The following TSPAN18 variants were observed in gnomAD, a reference collection of about 807,000 sequenced individuals.
TSPAN18 encodes the protein tetraspanin-18.
TSPAN18 carries 14 observed loss-of-function variants against 27.3 expected under a neutral mutation model. The observed-to-expected ratio is 0.51, with a 90% CI of 0.34 to 0.80. The LOEUF (loss-of-function observed/expected upper bound fraction) is 0.80. TSPAN18 is among the 30% of genes least tolerant of loss of function. The probability of loss-of-function intolerance (pLI) is 0.01; values close to 1 mark genes in which losing one functional copy is unlikely to be tolerated. For missense variants in TSPAN18, 268 were observed against 323.9 expected (o/e 0.83, Z 1.32); for synonymous variants, 143 against 136.5 (o/e 1.05, Z -0.33).
Position 44,819,943 on chromosome 11 carries a change from A to G in TSPAN18, c.-152-40385A>G, listed in dbSNP as rs144617234. Among the ~76,000 whole-genome samples, 571 of 152,238 alleles carry G rather than the reference A, an allele frequency of 3.8e-3. 6 individuals are homozygous for G. The highest frequency in any genetic ancestry group is 0.012 in the African/African-American group (517 of 41,558). ...AGGGGAAAGGGAGTTGATTTGCTCAAAAGTTTTGGTTTCTGAAAGCTCCCT... is the reference window on the plus strand; with the variant it reads ...AGGGGAAAGGGAGTTGATTTGCTCAGAAGTTTTGGTTTCTGAAAGCTCCCT... On this transcript the variant is annotated intron_variant, in intron 2 of 9. Coordinates refer to ENST00000520358, the MANE Select transcript of TSPAN18 (RefSeq NM_130783.5).
intron 1 of TSPAN18, among the ~76,000 whole-genome samples, chr11:44,746,388 T>C (rs1056186031): frequency 6.6e-6 from 1 of 152,192 alleles, no homozygotes; most frequent in Admixed American, 6.5e-5. Flanking sequence ...CTTGGTGATT[T>C]GGGGTGAGTT....
chr11:44,751,569 A>C (rs1239946982), intron 1 of TSPAN18, among the ~76,000 whole-genome samples: 1 of 152,118 alleles, frequency 6.6e-6, no homozygotes, highest in Non-Finnish European at 1.5e-5. Flanking sequence ...CTTAGAAGGG[A>C]GTGCGATTGT....
intron 1 of TSPAN18, among the ~76,000 whole-genome samples, chr11:44,727,521 G>A (rs1204161928): frequency 3.9e-5 from 6 of 152,320 alleles, no homozygotes; most frequent in Middle Eastern, 3.4e-3. Flanking sequence ...GCTGAGGGCC[G>A]GGGGCTGCGC....
chr11:44,856,919 C>T (rs1056948891), intron 2 of TSPAN18, among the ~76,000 whole-genome samples: 9 of 152,118 alleles, frequency 5.9e-5, no homozygotes, highest in African/African-American at 2.2e-4. Context: ...AACTGTTTTC[C>T]TCTCTTCTTC....
intron 3 of TSPAN18, among the ~76,000 whole-genome samples, chr11:44,861,276 C>T (rs994813786): frequency 6.6e-6 from 1 of 151,626 alleles, no homozygotes; most frequent in Admixed American, 6.6e-5. Context: ...AAAGTCAAGG[C>T]TTATTGGATG....
At chr11:44,805,989 C>A (rs1254649699) in intron 2 of TSPAN18, among the ~76,000 whole-genome samples, 1 of 151,728 alleles carries the variant, frequency 6.6e-6, no homozygotes, top group African/African-American at 2.4e-5. Context: ...CATATAAGGT[C>A]GCATGCAGAG....
chr11:44,805,161 A>G (rs1856565417), intron 2 of TSPAN18, among the ~76,000 whole-genome samples: 1 of 152,204 alleles, frequency 6.6e-6, no homozygotes, highest in Non-Finnish European at 1.5e-5. Context: ...ATCGCTTTTC[A>G]TAAAGACTGG....
At chr11:44,754,333 C>T (rs1855281165) in intron 1 of TSPAN18, among the ~76,000 whole-genome samples, 1 of 152,190 alleles carries the variant, frequency 6.6e-6, no homozygotes, top group Admixed American at 6.5e-5. Flanking sequence ...TTAGAAACAT[C>T]TCTATTACTG....
rs1341914725 is a variant in TSPAN18 at position 44,879,591 on chromosome 11, G to A, written c.-11+19122G>A. Among the ~76,000 whole-genome samples, 3 of 152,368 alleles carry A rather than the reference G, an allele frequency of 2.0e-5. No individual in the cohort carries two copies. The East Asian group carries it at 5.8e-4, about 29-fold the overall frequency. On this transcript the variant is annotated intron_variant, in intron 3 of 9. Coordinates refer to ENST00000520358, the MANE Select transcript of TSPAN18 (RefSeq NM_130783.5). ...GGATCGGCAGGTGCCAAGGTCCTGA[G>A]GCGGGAATGTGCTTGCCATGGTGGA...
At chr11:44,775,532 T>A (rs1043510736) in intron 2 of TSPAN18, among the ~76,000 whole-genome samples, 4 of 152,124 alleles carry the variant, frequency 2.6e-5, no homozygotes, top group African/African-American at 9.7e-5. Context: ...CAGGCACGTT[T>A]CATTGCCAGC....
At chr11:44,731,899 C>G (rs1215287500) in intron 1 of TSPAN18, among the ~76,000 whole-genome samples, 1 of 152,208 alleles carries the variant, frequency 6.6e-6, no homozygotes, top group Admixed American at 6.5e-5. Context: ...TCCCACCCTT[C>G]ACCATGGTAT....
At chr11:44,773,658 G>C (rs1855740581) in intron 2 of TSPAN18, among the ~76,000 whole-genome samples, 1 of 152,138 alleles carries the variant, frequency 6.6e-6, no homozygotes, top group Non-Finnish European at 1.5e-5. Context: ...CATGCCCATA[G>C]CAAGATGCTT....
intron 1 of TSPAN18, among the ~76,000 whole-genome samples, chr11:44,751,385 T>A (rs1403311839): frequency 1.3e-5 from 2 of 152,150 alleles, no homozygotes; most frequent in African/African-American, 2.4e-5. Flanking sequence ...TGGCTCTTAC[T>A]GCATGAATCT....
intron 6 of TSPAN18, among the ~76,000 whole-genome samples, chr11:44,918,613 A>G (rs1860003422): frequency 7.4e-6 from 1 of 135,652 alleles, no homozygotes; most frequent in Non-Finnish European, 1.6e-5. Context: ...CCTGGGGTAG[A>G]GGAGGCGGGC....
At chr11:44,730,308 C>T (rs1424831654) in intron 1 of TSPAN18, among the ~76,000 whole-genome samples, 2 of 152,204 alleles carry the variant, frequency 1.3e-5, no homozygotes, top group Non-Finnish European at 2.9e-5. Context: ...TTGGGAAGAG[C>T]CCTTTCAGTT....
chr11:44,817,845 G>A (rs1856845273), intron 2 of TSPAN18, among the ~76,000 whole-genome samples: 1 of 152,218 alleles, frequency 6.6e-6, no homozygotes, highest in Non-Finnish European at 1.5e-5. Context: ...TGAGGCTCCA[G>A]GAGCTGAAGT....
chr11:44,740,531 T>C (rs1310727207), intron 1 of TSPAN18, among the ~76,000 whole-genome samples: 2 of 152,104 alleles, frequency 1.3e-5, no homozygotes, highest in Non-Finnish European at 2.9e-5. Context: ...CCTGGGGGAC[T>C]CTGCACCTAG....
intron 2 of TSPAN18, among the ~76,000 whole-genome samples, chr11:44,783,566 T>G (rs1309326207): frequency 1.3e-5 from 2 of 151,716 alleles, no homozygotes; most frequent in East Asian, 3.9e-4. Flanking sequence ...GCCCGGCTAA[T>G]TTTTGTATTT....
At chr11:44,801,507 C>T (rs1213685233) in intron 2 of TSPAN18, among the ~76,000 whole-genome samples, 2 of 152,132 alleles carry the variant, frequency 1.3e-5, no homozygotes, top group Non-Finnish European at 2.9e-5. Context: ...GAAATAATAT[C>T]CATATAGCAT....
Sources: gnomAD v4.1 joint callset for allele counts (sites outside exome capture counted in the v4.1 genomes callset) on GRCh38, gnomAD v4.1.1 for gene constraint, MANE v1.5 for transcripts, NCBI Gene and HGNC (gene_info 2026-07-23, HGNC 2026-07-21) for gene names.